CLINT1: variants seen among roughly 807,000 people sequenced by gnomAD.
CLINT1 encodes clathrin interactor 1, also known as clathrin interacting protein localized in the trans-Golgi region.
A neutral mutation model predicts 70.4 loss-of-function variants in CLINT1; 15 were observed. The ratio of observed to expected loss-of-function variants is 0.21; its 90% CI spans 0.14 to 0.33. CLINT1 has a LOEUF of 0.33. Ranked by LOEUF, CLINT1 falls within the 10% of genes least tolerant of loss-of-function variation. The pLI is 1.00. For synonymous variants in CLINT1, 227 were observed against 254.7 expected (o/e 0.89, Z 1.04); for missense variants, 615 against 778.1 (o/e 0.79, Z 2.49).
At chr5:157,836,006 T>C (rs903634951) in intron 1 of CLINT1, among the ~76,000 whole-genome samples, 1 of 152,236 alleles carries the variant, frequency 6.6e-6, no homozygotes, top group African/African-American at 2.4e-5. Context: ...AATTCTTTTA[T>C]ATAGACAATT....
Position 157,789,439 on chromosome 5 carries a change from G to A in CLINT1, c.1455C>T (p.Ser485=), listed in dbSNP as rs751282980. Residue 485 remains serine, a synonymous_variant, in exon 11 of 12, where the codon AGC becomes AGT. Transcript: ENST00000411809. ...GCATACCAGGTAGTAAGTTGTCTAG[G>A]CTGATGTTTACACTGGGGTCAGACC... The part of the protein sequence containing the change: ...STWSDPSVNI[S]LDNLLPGMQP... The A allele has an allele frequency of 5.5e-5, 89 of 1,613,958 alleles. No homozygotes were observed. Among genetic ancestry groups the A allele is most frequent in the African/African-American group, 6.7e-5 (5 of 75,026 alleles).
rs11316474 is a variant in CLINT1 at position 157,853,777 on chromosome 5, C to CAAAAAAAAAA, written c.41+5143_41+5152dup. On this transcript the variant is annotated intron_variant, in intron 1 of 11. Coordinates refer to ENST00000411809, the MANE Select transcript of CLINT1 (RefSeq NM_014666.4). ...GGGCAACGAGAGCGAGACACCATCT[C>CAAAAAAAAAA]AAAAAAAAAAAAAAAAAAAAAAAAA... Among the ~76,000 whole-genome samples the CAAAAAAAAAA allele has an allele frequency of 8.3e-5, 4 of 48,046 alleles. 1 individual carries two copies. The highest frequency in any genetic ancestry group is 1.5e-4 in the Non-Finnish European group (4 of 26,108). The allele number at this position is 48,046 out of a possible 152,430, so 31.5% of individuals were successfully genotyped here.
At chr5:157,814,572 T>C (rs1762656157) in intron 3 of CLINT1, among the ~76,000 whole-genome samples, 1 of 152,212 alleles carries the variant, frequency 6.6e-6, no homozygotes, top group African/African-American at 2.4e-5. Flanking sequence ...ATCAGAATGC[T>C]TGATATAAAT....
At chr5:157,858,267 G>C (rs1490920455) in intron 1 of CLINT1, among the ~76,000 whole-genome samples, 3 of 152,176 alleles carry the variant, frequency 2.0e-5, no homozygotes, top group African/African-American at 7.2e-5. Flanking sequence ...ATGATGTGTA[G>C]TGGAAAAAGA....
At chr5:157,847,115 T>C (rs141270360) in intron 1 of CLINT1, among the ~76,000 whole-genome samples, 1 of 152,328 alleles carries the variant, frequency 6.6e-6, no homozygotes, top group East Asian at 1.9e-4. Flanking sequence ...ATACATTCCA[T>C]AAGGCTGTAA....
chr5:157,787,693 G>T lies in CLINT1; in HGVS notation c.1831C>A (p.Gln611Lys), dbSNP rs757362102. Residue 611 changes from glutamine to lysine, a missense_variant, in exon 12 of 12, where the codon CAA (glutamine) becomes AAA (lysine). Transcript: ENST00000411809. ...TTTGCAAAGGCATCTTGCTTGGGTT[G>T]CACAGTTCCAGAAGTCATGGCTATG... ...PNIAMTSGTV[Q>K]PKQDAFANFA... is the part of the protein sequence containing the mutation. 6.2e-7 allele frequency: 1 copy of T among 1,614,006 alleles called. No individual in the cohort carries two copies. The highest frequency in any genetic ancestry group is 1.1e-5 in the South Asian group (1 of 91,086).
intron 1 of CLINT1, among the ~76,000 whole-genome samples, chr5:157,830,959 G>A (rs1473600429): frequency 6.6e-6 from 1 of 151,648 alleles, no homozygotes; most frequent in East Asian, 1.9e-4. Flanking sequence ...TGGAAAGACT[G>A]CTTGGGCCTG....
chr5:157,804,232 A>G (rs747369933), intron 7 of CLINT1, among the ~76,000 whole-genome samples: 14 of 152,124 alleles, frequency 9.2e-5, no homozygotes, highest in Non-Finnish European at 1.3e-4. Flanking sequence ...AATTTCTATG[A>G]ACCTTAGCAA....
At chr5:157,842,213 T>C (rs1229396206) in intron 1 of CLINT1, among the ~76,000 whole-genome samples, 2 of 152,218 alleles carry the variant, frequency 1.3e-5, no homozygotes, top group African/African-American at 4.8e-5. Context: ...TTATGCAAAT[T>C]TTATTCTTAT....
intron 1 of CLINT1, among the ~76,000 whole-genome samples, chr5:157,838,534 C>T (rs1561668761): frequency 6.6e-6 from 1 of 152,162 alleles, no homozygotes; most frequent in Non-Finnish European, 1.5e-5. Context: ...ATTCTCAATA[C>T]TTTTTTCTAC....
chr5:157,833,868 G>A (rs1442317858), intron 1 of CLINT1, among the ~76,000 whole-genome samples: 1 of 151,728 alleles, frequency 6.6e-6, no homozygotes, highest in African/African-American at 2.4e-5. Flanking sequence ...TTGAACACAA[G>A]GAGGTCAAGG....
At chr5:157,799,613 C>A (rs982800418) in intron 8 of CLINT1, among the ~76,000 whole-genome samples, 14 of 151,920 alleles carry the variant, frequency 9.2e-5, no homozygotes, top group Admixed American at 8.5e-4. Context: ...AGTTGGACTT[C>A]TTTTTAAAGA....
rs143497758 is a variant in CLINT1 at position 157,825,387 on chromosome 5, A to G, written c.42-7840T>C. 2.0e-4 allele frequency among the ~76,000 whole-genome samples: 31 copies of G among 152,194 alleles called. No individual in the cohort carries two copies. The East Asian group carries it at 5.6e-3, about 27-fold the overall frequency. On this transcript the variant is annotated intron_variant, in intron 1 of 11. Coordinates refer to ENST00000411809, the MANE Select transcript of CLINT1 (RefSeq NM_014666.4). Reference sequence around the variant, plus strand: ...TCAGGAATTTGCACAAAAATATTATACCCTATCTTTTAGCTTTCTCAGTCA... The same window carrying G: ...TCAGGAATTTGCACAAAAATATTATGCCCTATCTTTTAGCTTTCTCAGTCA...
intron 8 of CLINT1, among the ~76,000 whole-genome samples, chr5:157,801,569 A>C (rs1470743576): frequency 6.6e-6 from 1 of 151,686 alleles, no homozygotes; most frequent in African/African-American, 2.4e-5. Context: ...GCAGTGGCTC[A>C]CACCTGTAAT....
At chr5:157,794,786 G>T in intron 9 of CLINT1, 112 bp downstream of exon 9, 2 of 744,382 alleles carry the variant, frequency 2.7e-6, no homozygotes, top group Admixed American at 5.5e-5. Flanking sequence ...TAGGAATTAT[G>T]AATACTACAA....
chr5:157,831,437 C>T (rs1763241171), intron 1 of CLINT1, among the ~76,000 whole-genome samples: 1 of 152,130 alleles, frequency 6.6e-6, no homozygotes, highest in African/African-American at 2.4e-5. Context: ...GGGATCTGGC[C>T]TTGGCCTCCC....
At chr5:157,816,254 A>T (rs1762718136) in intron 3 of CLINT1, among the ~76,000 whole-genome samples, 1 of 152,308 alleles carries the variant, frequency 6.6e-6, no homozygotes, top group Non-Finnish European at 1.5e-5. Context: ...ATTCTGCATT[A>T]TATGAGATCA....
In CLINT1 at chr5:157,789,259, T is replaced by TA. The variant is rs1243767647; in HGVS notation, c.1531+103dup. On this transcript the variant is annotated intron_variant, in intron 11 of 11. Coordinates refer to ENST00000411809, the MANE Select transcript of CLINT1 (RefSeq NM_014666.4). The stretch of plus-strand genomic sequence containing the variant: ...AGTGAACAGGCATTTGGTTAACTGT[T>TA]ACAATTTATGTGATATATTTTTATT... 5.3e-5 allele frequency: 54 copies of TA among 1,011,736 alleles called. No homozygotes were observed. The African/African-American group carries it at 6.5e-4, about 12-fold the overall frequency. 62.7% of individuals were successfully genotyped at this position (1,011,736 alleles called of 1,614,324 possible).
At chr5:157,831,898 G>C (rs1221572575) in intron 1 of CLINT1, among the ~76,000 whole-genome samples, 1 of 151,812 alleles carries the variant, frequency 6.6e-6, no homozygotes, top group Non-Finnish European at 1.5e-5. Context: ...CACCACGTTG[G>C]CCGGGATGGT....
Sources: allele counts gnomAD v4.1 joint callset (sites outside exome capture counted in the v4.1 genomes callset), GRCh38; gene constraint gnomAD v4.1.1; transcripts MANE v1.5; gene names NCBI Gene and HGNC (gene_info 2026-07-23, HGNC 2026-07-21).